Variants in SLC9A8 observed in about 807,000 individuals in gnomAD.
SLC9A8 encodes the protein sodium/hydrogen exchanger 8.
SLC9A8 carries 48 observed loss-of-function variants against 66.6 expected under a neutral mutation model. That is an observed-to-expected ratio of 0.72 (90% confidence interval 0.57 to 0.92). The LOEUF is 0.92. Among genes scored for constraint, SLC9A8 ranks in the 40% least tolerant of loss-of-function variants. SLC9A8 has a pLI of 0.00. For synonymous variants in SLC9A8, 274 were observed against 282.6 expected, an observed-to-expected ratio of 0.97 and a Z score of 0.31; for missense variants, 599 against 747.3, an observed-to-expected ratio of 0.80 and a Z score of 2.31.
intron 5 of SLC9A8, among the ~76,000 whole-genome samples, chr20:49,847,097 A>AT (rs560488300): frequency 6.6e-6 from 1 of 151,536 alleles, no homozygotes; most frequent in African/African-American, 2.4e-5. Context: ...TTCAGCCCAG[A>AT]TTTTTTTTTA....
chr20:49,884,200 ACACAC>A (rs2089738887), intron 14 of SLC9A8, 134 bp downstream of exon 14: 2 of 130,786 alleles, frequency 1.5e-5, no homozygotes, highest in Non-Finnish European at 2.8e-5. Flanking sequence ...CACACACACG[ACACAC>A]ACACACACAC....
chr20:49,869,240 G>T (rs2089095042), intron 10 of SLC9A8, among the ~76,000 whole-genome samples: 1 of 151,822 alleles, frequency 6.6e-6, no homozygotes, highest in Non-Finnish European at 1.5e-5. Context: ...TTCTTTTTGA[G>T]GCAGAGTTTC....
chr20:49,874,683 G>A (rs1408691002), intron 10 of SLC9A8, 22 bp from the exon 11 acceptor site: 5 of 1,446,472 alleles, frequency 3.5e-6, no homozygotes, highest in Non-Finnish European at 4.9e-6. Flanking sequence ...AGTGCTTTCT[G>A]TTCTGTTCTC....
chr20:49,874,572 G>C (rs1417444572), intron 10 of SLC9A8, 133 bp from the exon 11 acceptor site: 1 of 681,202 alleles, frequency 1.5e-6, no homozygotes, highest in Non-Finnish European at 2.6e-6. Flanking sequence ...CCTCTGGGAG[G>C]CTTCAGGAAT....
rs554180678 is a variant in SLC9A8, at chr20:49,888,021, C to A, written c.*85C>A. The A allele has an allele frequency of 2.9e-6, 3 of 1,051,038 alleles. No homozygotes were observed. Among genetic ancestry groups the A allele is most frequent in the Non-Finnish European group, 2.9e-6 (2 of 682,098 alleles). The allele number at this position is 1,051,038 out of a possible 1,614,324, so 65.1% of individuals were successfully genotyped here. On this transcript the variant is annotated 3_prime_UTR_variant, in exon 16 of 16. Coordinates refer to ENST00000361573, the MANE Select transcript of SLC9A8 (RefSeq NM_015266.3). ...ACTCAGCAGGGGCCTCGCAGAGATG[C>A]GTGCATCCAGCAGCCCCTTCAAGAC...
At chr20:49,839,415 C>T (rs369596449) in intron 3 of SLC9A8, 126 bp from the exon 4 acceptor site, 21 of 517,656 alleles carry the variant, frequency 4.1e-5, no homozygotes, top group East Asian at 1.6e-4. Context: ...ATGTACAAAA[C>T]GAAGCTGTGC....
intron 10 of SLC9A8, among the ~76,000 whole-genome samples, chr20:49,869,211 A>ACTTTCTTT (rs544095855): frequency 1.3e-5 from 2 of 151,654 alleles, no homozygotes; most frequent in Non-Finnish European, 2.9e-5. Context: ...ATGAGATAAC[A>ACTTTCTTT]CTTTCTTTCT....
intron 10 of SLC9A8, among the ~76,000 whole-genome samples, chr20:49,870,762 C>T (rs1381497027): frequency 6.6e-6 from 1 of 152,190 alleles, no homozygotes; most frequent in African/African-American, 2.4e-5. Context: ...AGTGCAGTGG[C>T]ACAATCACGT....
intron 7 of SLC9A8, among the ~76,000 whole-genome samples, chr20:49,853,830 G>A (rs2088352072): frequency 6.6e-6 from 1 of 152,174 alleles, no homozygotes; most frequent in Non-Finnish European, 1.5e-5. Context: ...GGATCCGGAG[G>A]CACTCTGGGT....
intron 5 of SLC9A8, among the ~76,000 whole-genome samples, chr20:49,846,014 T>C (rs2087973429): frequency 6.6e-6 from 1 of 152,128 alleles, no homozygotes; most frequent in Admixed American, 6.5e-5. Context: ...TTTGTCGTTT[T>C]AGTAGAGACG....
At chr20:49,861,034 C>A (rs2088712399) in intron 8 of SLC9A8, among the ~76,000 whole-genome samples, 1 of 152,014 alleles carries the variant, frequency 6.6e-6, no homozygotes, top group Admixed American at 6.6e-5. Flanking sequence ...TGGCACTGAC[C>A]CTGGGTTCTG....
At chr20:49,814,516 G>A (rs1057001054) in intron 1 of SLC9A8, among the ~76,000 whole-genome samples, 1 of 152,166 alleles carries the variant, frequency 6.6e-6, no homozygotes, top group Non-Finnish European at 1.5e-5. Flanking sequence ...AATAGGAGGT[G>A]ACATTTGAGC....
At chr20:49,882,049 CTCA>C (rs2089644279) in intron 13 of SLC9A8, among the ~76,000 whole-genome samples, 1 of 152,168 alleles carries the variant, frequency 6.6e-6, no homozygotes, top group Non-Finnish European at 1.5e-5. Flanking sequence ...TTCCTGGATC[CTCA>C]ACGAGGGGCA....
intron 3 of SLC9A8, among the ~76,000 whole-genome samples, chr20:49,837,325 G>T (rs1207997230): frequency 6.6e-6 from 1 of 152,142 alleles, no homozygotes; most frequent in Non-Finnish European, 1.5e-5. Flanking sequence ...TCCTGAGGCT[G>T]TGTCAAGGGT....
At chr20:49,825,867 T>C (rs2086896175) in intron 3 of SLC9A8, among the ~76,000 whole-genome samples, 1 of 152,186 alleles carries the variant, frequency 6.6e-6, no homozygotes, top group South Asian at 2.1e-4. Flanking sequence ...GCTCTTGGTG[T>C]GGTAAGCCCT....
intron 3 of SLC9A8, among the ~76,000 whole-genome samples, chr20:49,826,304 G>A (rs984900747): frequency 6.6e-6 from 1 of 152,166 alleles, no homozygotes; most frequent in Non-Finnish European, 1.5e-5. Context: ...TCTCCAGCTG[G>A]AGCAAAGTGT....
intron 3 of SLC9A8, among the ~76,000 whole-genome samples, chr20:49,823,714 G>A (rs2086822650): frequency 6.6e-6 from 1 of 152,200 alleles, no homozygotes; most frequent in Admixed American, 6.5e-5. Flanking sequence ...GCACACACAA[G>A]TTCATTGAAG....
At chr20:49,814,877 GA>G in intron 1 of SLC9A8, 130 bp from the exon 2 acceptor site, 1 of 632,392 alleles carries the variant, frequency 1.6e-6, no homozygotes, top group Admixed American at 4.1e-5. Flanking sequence ...AGTTTCTCTC[GA>G]AGGCCTGCCT....
chr20:49,826,791 T>C (rs1212479380), intron 3 of SLC9A8, among the ~76,000 whole-genome samples: 1 of 152,232 alleles, frequency 6.6e-6, no homozygotes, highest in Non-Finnish European at 1.5e-5. Context: ...AAGAAAAATC[T>C]TGTTTATTGA....
Sources: allele counts gnomAD v4.1 joint callset (sites outside exome capture counted in the v4.1 genomes callset), GRCh38; gene constraint gnomAD v4.1.1; transcripts MANE v1.5; gene names NCBI Gene and HGNC (gene_info 2026-07-23, HGNC 2026-07-21).